ARHGAP20: variants seen among roughly 807,000 people sequenced by gnomAD.
The protein encoded by ARHGAP20 is Rho GTPase activating protein 20.
In ARHGAP20, 34 loss-of-function variants were observed where a neutral mutation model predicts 73.7. That is an observed-to-expected ratio of 0.46 (90% CI 0.35 to 0.61). The LOEUF (loss-of-function observed/expected upper bound fraction) is 0.61. ARHGAP20 is among the 20% of genes least tolerant of loss of function. The pLI is 0.00. For missense variants in ARHGAP20, 1,314 were observed against 1,420.9 expected, an observed-to-expected ratio of 0.92 and a Z score of 1.21; for synonymous variants, 523 against 518.2, an observed-to-expected ratio of 1.01 and a Z score of -0.13.
intron 1 of ARHGAP20, among the ~76,000 whole-genome samples, chr11:110,701,097 A>G (rs1950440994): frequency 6.6e-6 from 1 of 151,846 alleles, no homozygotes; most frequent in Non-Finnish European, 1.5e-5. Flanking sequence ...TCCTTTGGGT[A>G]CATACCCAGT....
chr11:110,696,033 T>C (rs989287242), intron 1 of ARHGAP20, among the ~76,000 whole-genome samples: 27 of 151,542 alleles, frequency 1.8e-4, no homozygotes, highest in African/African-American at 6.0e-4. Flanking sequence ...GAGTGAACCT[T>C]GAAAACATTA....
chr11:110,624,956 T>C (rs2134936300), intron 3 of ARHGAP20, among the ~76,000 whole-genome samples: 1 of 152,252 alleles, frequency 6.6e-6, no homozygotes, highest in East Asian at 1.9e-4. Flanking sequence ...ATTTATAACT[T>C]GCCAATTTCC....
At chr11:110,669,734 C>T (rs1165911815) in intron 2 of ARHGAP20, among the ~76,000 whole-genome samples, 1 of 152,138 alleles carries the variant, frequency 6.6e-6, no homozygotes, top group African/African-American at 2.4e-5. Flanking sequence ...GATACAACCA[C>T]ATTAGAAAAT....
At chr11:110,629,920 G>C (rs987657436) in intron 3 of ARHGAP20, among the ~76,000 whole-genome samples, 2 of 152,232 alleles carry the variant, frequency 1.3e-5, no homozygotes, top group Non-Finnish European at 1.5e-5. Flanking sequence ...CTGACTCAGA[G>C]AAACTGCATG....
At chr11:110,701,191 T>A (rs1318856272) in intron 1 of ARHGAP20, among the ~76,000 whole-genome samples, 1 of 151,396 alleles carries the variant, frequency 6.6e-6, no homozygotes, top group East Asian at 1.9e-4. Context: ...GTTGAACTAG[T>A]TTACAGTCCA....
At chr11:110,642,026 T>G (rs1949088361) in intron 2 of ARHGAP20, among the ~76,000 whole-genome samples, 1 of 152,074 alleles carries the variant, frequency 6.6e-6, no homozygotes, top group Non-Finnish European at 1.5e-5. Context: ...CAGTTTGAGT[T>G]TTCTTGAGAT....
intron 2 of ARHGAP20, among the ~76,000 whole-genome samples, chr11:110,687,719 T>A (rs1950163778): frequency 6.6e-6 from 1 of 152,112 alleles, no homozygotes; most frequent in Non-Finnish European, 1.5e-5. Flanking sequence ...TTGAAAATAA[T>A]AAAACACTCT....
At chr11:110,602,071 TCA>T (rs1948124435) in intron 9 of ARHGAP20, among the ~76,000 whole-genome samples, 2 of 152,212 alleles carry the variant, frequency 1.3e-5, no homozygotes, top group Non-Finnish European at 1.5e-5. Flanking sequence ...TGCTTTCACT[TCA>T]CACTCAATAG....
intron 4 of ARHGAP20, among the ~76,000 whole-genome samples, chr11:110,616,852 A>G (rs1948495851): frequency 6.6e-6 from 1 of 152,186 alleles, no homozygotes. Flanking sequence ...GCTTTGCTTC[A>G]GACCTGCTAA....
At chr11:110,657,417 TA>T (rs111990453) in intron 2 of ARHGAP20, among the ~76,000 whole-genome samples, 51 of 151,826 alleles carry the variant, frequency 3.4e-4, no homozygotes, top group African/African-American at 9.7e-4. Flanking sequence ...TAGTTTACAT[TA>T]AAAAAAACAT....
At chr11:110,593,470 A>T (rs574593845) in intron 9 of ARHGAP20, among the ~76,000 whole-genome samples, 1 of 152,350 alleles carries the variant, frequency 6.6e-6, no homozygotes, top group Admixed American at 6.5e-5. Flanking sequence ...TGAAGGCACT[A>T]AAGAGTGAGC....
Position 110,630,655 on chromosome 11 carries a change from T to C in ARHGAP20, c.326A>G (p.Asn109Ser), listed in dbSNP as rs79195992. ...GATTTTGGCCACAACAAACAGATCA[T>C]TGAATAGGAAAAGATGCCGCTCCTG... ...QRQERHLFLF[N>S]DLFVVAKIKY... is the part of the protein sequence containing the mutation. Residue 109 changes from asparagine (N) to serine (S), a missense_variant, in exon 3 of 15, where the codon AAT becomes AGT. Coordinates refer to ENST00000683387, the MANE Select transcript of ARHGAP20 (RefSeq NM_001384657.1). 1.9e-6 allele frequency: 3 copies of C among 1,614,074 alleles called. No individual in the cohort carries two copies. Among genetic ancestry groups the C allele is most frequent in the East Asian group, 2.2e-5 (1 of 44,880 alleles).
At chr11:110,610,465 T>C (rs1410400763) in intron 7 of ARHGAP20, among the ~76,000 whole-genome samples, 2 of 152,192 alleles carry the variant, frequency 1.3e-5, no homozygotes, top group Non-Finnish European at 2.9e-5. Context: ...TGTACTTTCA[T>C]ATTTACAGAG....
At chr11:110,651,808 T>C (rs1402127813) in intron 2 of ARHGAP20, among the ~76,000 whole-genome samples, 1 of 150,654 alleles carries the variant, frequency 6.6e-6, no homozygotes, top group South Asian at 2.1e-4. Context: ...CTACCAGAGG[T>C]ACAAAGAGAA....
rs1947352429 is a variant in ARHGAP20 at position 110,578,756 on chromosome 11, ACT to A, written c.*612_*613del. On this transcript the variant is annotated 3_prime_UTR_variant, in exon 15 of 15. Coordinates refer to ENST00000683387, the MANE Select transcript of ARHGAP20 (RefSeq NM_001384657.1). ...TCATGGTACCCATGGCTTTTGAGTC[ACT>A]CTGTTTTTCTCCACTCTAGCTGTAG... 1.0e-6 allele frequency: 1 copy of A among 985,166 alleles called. No individual in the cohort carries two copies. The highest frequency in any genetic ancestry group is 6.2e-5 in the Admixed American group (1 of 16,246). The allele number at this position is 985,166 out of a possible 1,614,324, so 61.0% of individuals were successfully genotyped here.
intron 4 of ARHGAP20, among the ~76,000 whole-genome samples, chr11:110,619,571 T>TGATAGAGTATATGC (rs1948577877): frequency 6.7e-6 from 1 of 149,364 alleles, no homozygotes; most frequent in African/African-American, 2.5e-5. Flanking sequence ...AGAGTATATG[T>TGATAGAGTATATGC]AGTGATAGCG....
intron 2 of ARHGAP20, among the ~76,000 whole-genome samples, chr11:110,651,108 G>C (rs1949343106): frequency 6.6e-6 from 1 of 152,110 alleles, no homozygotes; most frequent in Admixed American, 6.6e-5. Flanking sequence ...CAACTACATG[G>C]AAATTGAACA....
intron 3 of ARHGAP20, among the ~76,000 whole-genome samples, chr11:110,627,083 C>G (rs145720052): frequency 3.0e-4 from 45 of 148,296 alleles, no homozygotes; most frequent in African/African-American, 1.1e-3. Flanking sequence ...AACAAAACCC[C>G]CTAAAAATAT....
intron 2 of ARHGAP20, among the ~76,000 whole-genome samples, chr11:110,656,526 T>C (rs1231028121): frequency 6.6e-6 from 1 of 152,132 alleles, no homozygotes; most frequent in African/African-American, 2.4e-5. Flanking sequence ...CTGAGTCCTC[T>C]TAGTAAGGGA....
Sources: gnomAD v4.1 joint callset for allele counts (sites outside exome capture counted in the v4.1 genomes callset) on GRCh38, gnomAD v4.1.1 for gene constraint, MANE v1.5 for transcripts, NCBI Gene and HGNC (gene_info 2026-07-23, HGNC 2026-07-21) for gene names.